Variants in ZFAT observed in about 807,000 individuals in gnomAD.
ZFAT encodes zinc finger protein ZFAT.
In ZFAT, 64 loss-of-function variants were observed where a neutral mutation model predicts 117.7. The observed-to-expected ratio is 0.54, with a 90% CI of 0.44 to 0.67. The LOEUF (loss-of-function observed/expected upper bound fraction) is 0.67, where lower values mean the gene tolerates loss of function less well. ZFAT is among the 30% of genes least tolerant of loss of function. The pLI, the probability that ZFAT is intolerant of heterozygous loss-of-function variation, is 0.00. For missense variants in ZFAT, 1,433 were observed against 1,584.5 expected (o/e 0.90, Z 1.62); for synonymous variants, 679 against 615.0 (o/e 1.10, Z -1.54).
the ZFAT span, among the ~76,000 whole-genome samples, chr8:134,819,204 C>T: frequency 1.3e-5 from 2 of 149,342 alleles, no homozygotes; most frequent in Non-Finnish European, 1.5e-5. Flanking sequence ...AGATAACCTA[C>T]ATAATTGTTT....
the ZFAT span, among the ~76,000 whole-genome samples, chr8:134,727,241 C>T: frequency 5.3e-5 from 8 of 152,100 alleles, no homozygotes; most frequent in Admixed American, 1.3e-4. Flanking sequence ...TGCAAGTAGG[C>T]GACATTTGAG....
intron 3 of ZFAT, among the ~76,000 whole-genome samples, chr8:134,621,429 T>A (rs1829095872): frequency 6.6e-6 from 1 of 152,204 alleles, no homozygotes; most frequent in Non-Finnish European, 1.5e-5. Flanking sequence ...AACTAGCACC[T>A]GTATCTCTAC....
chr8:134,561,230 GTTTATAAATACAT>G (rs1458966455), intron 11 of ZFAT, among the ~76,000 whole-genome samples: 1 of 152,180 alleles, frequency 6.6e-6, no homozygotes, highest in Non-Finnish European at 1.5e-5. Context: ...ATTAAAACTA[GTTTATAAATACAT>G]TTTCATAAAA....
At chr8:134,540,162 A>C (rs374399098) in intron 11 of ZFAT, among the ~76,000 whole-genome samples, 4 of 152,212 alleles carry the variant, frequency 2.6e-5, no homozygotes, top group Non-Finnish European at 5.9e-5. Flanking sequence ...AAGTGAAAAG[A>C]GAAGCAGGAT....
chr8:134,676,730 A>C (rs1177918459), intron 1 of ZFAT, among the ~76,000 whole-genome samples: 1 of 152,236 alleles, frequency 6.6e-6, no homozygotes, highest in Admixed American at 6.5e-5. Flanking sequence ...AAAGAACGGA[A>C]ATCATAACAA....
intron 12 of ZFAT, among the ~76,000 whole-genome samples, chr8:134,525,508 A>T (rs1820963072): frequency 6.6e-6 from 1 of 152,220 alleles, no homozygotes; most frequent in African/African-American, 2.4e-5. Flanking sequence ...GATAAACCTC[A>T]CGGGGATGTG....
At chr8:134,605,521 G>A (rs560797842) in intron 5 of ZFAT, among the ~76,000 whole-genome samples, 8 of 150,714 alleles carry the variant, frequency 5.3e-5, no homozygotes, top group South Asian at 4.2e-4. Context: ...ACTCCAGCCC[G>A]GGAGACAGAG....
chr8:134,550,503 A>C (rs1823082422), intron 11 of ZFAT, among the ~76,000 whole-genome samples: 1 of 152,212 alleles, frequency 6.6e-6, no homozygotes, highest in Non-Finnish European at 1.5e-5. Context: ...TGTTGAGGCA[A>C]TTATCTCATC....
chr8:134,824,409 T>C, the ZFAT span, among the ~76,000 whole-genome samples: 1 of 152,216 alleles, frequency 6.6e-6, no homozygotes. Context: ...GCAAATATGG[T>C]AACAATAGAG....
chr8:134,700,257 C>G (rs1357085444), intron 1 of ZFAT, among the ~76,000 whole-genome samples: 1 of 152,206 alleles, frequency 6.6e-6, no homozygotes, highest in African/African-American at 2.4e-5. Flanking sequence ...GTCTAAAATG[C>G]AAAGCTAGGT....
In ZFAT at chr8:134,637,538, T is replaced by A. The variant is rs1830292590; in HGVS notation, c.371A>T (p.Lys124Met). 6.2e-7 allele frequency: 1 copy of A among 1,614,134 alleles called. No homozygotes were observed. The highest frequency in any genetic ancestry group is 1.3e-5 in the African/African-American group (1 of 74,952). The stretch of plus-strand genomic sequence containing the variant: ...CCGCAGCTGGCGCGTGTTGGAGAAC[T>A]TCCGACAGCACTTGCTACACTCCAA... ...SSLECSKCCRKFSNTRQLRKH... is the reference protein window; with the variant it reads ...SSLECSKCCRMFSNTRQLRKH... The change falls in exon 3 of 16, where the codon AAG (lysine) becomes ATG (methionine). Residue 124 changes from lysine (K) to methionine (M), a missense_variant. By Grantham distance (95) the Lys-to-Met change is moderately conservative. Coordinates refer to ENST00000377838, the MANE Select transcript of ZFAT (RefSeq NM_020863.4).
chr8:134,597,135 G>A (rs1258251339), intron 7 of ZFAT, among the ~76,000 whole-genome samples: 2 of 151,610 alleles, frequency 1.3e-5, no homozygotes, highest in Non-Finnish European at 2.9e-5. Context: ...AAAACACTTT[G>A]CAATAGCAAC....
chr8:134,564,283 CCATTAAGGCTCATA>C (rs1824264097), intron 11 of ZFAT, among the ~76,000 whole-genome samples: 1 of 152,028 alleles, frequency 6.6e-6, no homozygotes, highest in Admixed American at 6.6e-5. Flanking sequence ...AAGCCAAATT[CCATTAAGGCTCATA>C]CAACTCCATA....
At chr8:134,594,563 A>C (rs1247344940) in intron 7 of ZFAT, among the ~76,000 whole-genome samples, 1 of 152,156 alleles carries the variant, frequency 6.6e-6, no homozygotes, top group African/African-American at 2.4e-5. Context: ...GACTCAATAG[A>C]TGCACCACCG....
chr8:134,635,225 T>A (rs1036101824), intron 3 of ZFAT, among the ~76,000 whole-genome samples: 1 of 152,200 alleles, frequency 6.6e-6, no homozygotes, highest in Non-Finnish European at 1.5e-5. Context: ...CAGACCCAGC[T>A]GAACTTCTGG....
chr8:134,636,810 C>T (rs1435027099), intron 3 of ZFAT, among the ~76,000 whole-genome samples: 1 of 152,212 alleles, frequency 6.6e-6, no homozygotes, highest in East Asian at 1.9e-4. Context: ...ATTCCCTGAC[C>T]ACATCTATCC....
chr8:134,816,388 T>C, the ZFAT span, among the ~76,000 whole-genome samples: 8 of 151,844 alleles, frequency 5.3e-5, no homozygotes, highest in Non-Finnish European at 1.0e-4. Flanking sequence ...GTTACAATCC[T>C]GTGATGAAAA....
intron 1 of ZFAT, among the ~76,000 whole-genome samples, chr8:134,672,528 C>T (rs1214102575): frequency 6.6e-6 from 1 of 151,916 alleles, no homozygotes; most frequent in Non-Finnish European, 1.5e-5. Context: ...GCACGTTGTG[C>T]ACATGTACCC....
chr8:134,733,886 C>T, the ZFAT span, among the ~76,000 whole-genome samples: 1 of 152,260 alleles, frequency 6.6e-6, no homozygotes, highest in African/African-American at 2.4e-5. Flanking sequence ...ACCCCAGCTC[C>T]TCAAAGGCCC....
Sources: allele counts gnomAD v4.1 joint callset (sites outside exome capture counted in the v4.1 genomes callset), GRCh38; gene constraint gnomAD v4.1.1; transcripts MANE v1.5; gene names NCBI Gene and HGNC (gene_info 2026-07-23, HGNC 2026-07-21).